Variants in HERC1 observed in about 807,000 individuals in gnomAD.
HERC1 encodes probable E3 ubiquitin-protein ligase HERC1.
A neutral mutation model predicts 554.3 loss-of-function variants in HERC1; 160 were observed. That is an observed-to-expected ratio of 0.29 (90% CI 0.25 to 0.33). The LOEUF (loss-of-function observed/expected upper bound fraction) is 0.33, where lower values mean the gene tolerates loss of function less well. Ranked by LOEUF, HERC1 falls within the 10% of genes least tolerant of loss-of-function variation. The pLI, the probability that HERC1 is intolerant of heterozygous loss-of-function variation, is 1.00. For synonymous variants in HERC1, 2,175 were observed against 2,131.7 expected, an observed-to-expected ratio of 1.02 and a Z score of -0.56; for missense variants, 4,919 against 5,918.5, an observed-to-expected ratio of 0.83 and a Z score of 5.54.
chr15:63,723,198 G>T lies in HERC1; in HGVS notation c.3726C>A (p.Asp1242Glu). ...TTATCTTACCTTTACTAACAGCATA[G>T]TCCTGCATGCTGATCCAAAGGCTTC... is the stretch of plus-strand genomic sequence containing the variant. ...PARSLWISMQ[D>E]YAVSKDWDSA... The change falls in exon 19 of 78, where the codon GAC becomes GAA. Residue 1242 changes from aspartate to glutamate, a missense_variant. Asp to Glu is a conservative substitution (Grantham distance 45). This residue lies in a region of HERC1 where 1,121 missense variants were observed against 1,244.0 expected (regional missense o/e 0.90). Transcript: ENST00000443617. The T allele has an allele frequency of 6.4e-7, 1 of 1,556,880 alleles. No homozygotes were observed. The highest frequency in any genetic ancestry group is 1.2e-5 in the South Asian group (1 of 81,128).
rs1258328123 is a variant in HERC1 at position 63,680,425 on chromosome 15, G to GA, written c.6465+111dup. 8.7e-7 allele frequency: 1 copy of GA among 1,150,028 alleles called. No individual in the cohort carries two copies. Among genetic ancestry groups the GA allele is most frequent in the African/African-American group, 1.6e-5 (1 of 64,016 alleles). The allele number at this position is 1,150,028 out of a possible 1,614,324, so 71.2% of individuals were successfully genotyped here. On this transcript the variant is annotated intron_variant, in intron 35 of 77. Coordinates refer to ENST00000443617, the MANE Select transcript of HERC1 (RefSeq NM_003922.4). The surrounding 1 kb of genome is among the most constrained non-coding windows in gnomAD (Gnocchi z 5.8). ...TTTAAGAACCAGAAAGTATTAGAGA[G>GA]AAAGGAGAGACGAGCAGATAATCTA...
In HERC1 at chr15:63,659,807, C is replaced by T; in HGVS notation, c.9353G>A (p.Ser3118Asn). Residue 3118 changes from serine (S) to asparagine (N), a missense_variant, in exon 47 of 78, where the codon AGC (serine) becomes AAC (asparagine). By Grantham distance (46) the Ser-to-Asn change is conservative (BLOSUM62 1). Transcript: ENST00000443617. ...IVPEPVQFPD[S>N]DPLGASVAMV... Reference sequence around the variant, plus strand: ...TGCTACTGATGCTCCCAGTGGATCGCTGTCAGGGAACTGAACTGGTTCTGG... The same window carrying T: ...TGCTACTGATGCTCCCAGTGGATCGTTGTCAGGGAACTGAACTGGTTCTGG... The T allele has an allele frequency of 6.2e-7, 1 of 1,613,936 alleles. No individual in the cohort carries two copies. The highest frequency in any genetic ancestry group is 8.5e-7 in the Non-Finnish European group (1 of 1,179,842).
At position 63,612,179 on chromosome 15, in the gene HERC1, C is replaced by A; in HGVS notation, c.14400+72G>T. 2 of 1,369,234 alleles carry A rather than the reference C, an allele frequency of 1.5e-6. No individual in the cohort carries two copies. Among genetic ancestry groups the A allele is most frequent in the South Asian group, 2.9e-5 (2 of 69,816 alleles). 84.8% of individuals were successfully genotyped at this position (1,369,234 alleles called of 1,614,324 possible). A position where few individuals can be genotyped will look rare whatever the true frequency, so the allele number is the denominator to read the frequency against. On this transcript the variant is annotated intron_variant, in intron 77 of 77. Coordinates refer to ENST00000443617, the MANE Select transcript of HERC1 (RefSeq NM_003922.4). The surrounding 1 kb of genome is among the most constrained non-coding windows in gnomAD (Gnocchi z 5.0). ...CTCCAGCCTGGGCCACAGAGTGAGA[C>A]CCTGTCTCAACAAAAACAACAATGA...
chr15:63,617,575 A>G (rs2067877659), intron 74 of HERC1, among the ~76,000 whole-genome samples: 1 of 152,202 alleles, frequency 6.6e-6, no homozygotes, highest in South Asian at 2.1e-4. Context: ...ATCCATGAGG[A>G]ATCACCACAC....
chr15:63,729,818 G>A (rs965707242), intron 14 of HERC1, among the ~76,000 whole-genome samples, 169 bp from the exon 15 acceptor site: 3 of 151,556 alleles, frequency 2.0e-5, no homozygotes, highest in Non-Finnish European at 1.5e-5. Flanking sequence ...AAGTCAGGAG[G>A]TTGAGACCAG....
At position 63,641,578 on chromosome 15, in the gene HERC1, C is replaced by T. The variant is rs1447414283; in HGVS notation, c.11499G>A (p.Arg3833=). The change falls in exon 60 of 78, where the codon AGG becomes AGA. Residue 3833 remains arginine, a synonymous_variant. Coordinates refer to ENST00000443617, the MANE Select transcript of HERC1 (RefSeq NM_003922.4). The stretch of plus-strand genomic sequence containing the variant: ...GAACACCCTGCTGTTTCAATGCTGT[C>T]CTACAGGTTGCCAAAACATGATTGG... The part of the protein sequence containing the change: ...AAANHVLATC[R]TALKQQGVLG... 1.6e-5 allele frequency: 26 copies of T among 1,603,232 alleles called. No individual in the cohort carries two copies. Among genetic ancestry groups the T allele is most frequent in the Non-Finnish European group, 2.1e-5 (25 of 1,174,178 alleles).
intron 53 of HERC1, 104 bp downstream of exon 53, chr15:63,651,149 T>C: frequency 9.8e-7 from 1 of 1,019,978 alleles, no homozygotes; most frequent in Non-Finnish European, 1.4e-6. Flanking sequence ...GGAAGGCTTG[T>C]GAATTTCAAG....
chr15:63,829,633 C>A (rs1444497007), intron 1 of HERC1, among the ~76,000 whole-genome samples: 1 of 143,798 alleles, frequency 7.0e-6, no homozygotes, highest in African/African-American at 2.6e-5. Context: ...CAACTGAAGT[C>A]CTGGGAGCAA....
rs777056650 is a variant in HERC1 at position 63,686,487 on chromosome 15, C to T, written c.6097G>A (p.Val2033Ile). 3 of 1,613,738 alleles carry T rather than the reference C, an allele frequency of 1.9e-6. No homozygotes were observed. The African/African-American group carries it at 4.0e-5, about 22-fold the overall frequency. ...TGAGCTTTCTCCGGGTCAAAGGATA[C>T]TTCTTGGATAGGAAGATTCTCATCT... The part of the protein sequence containing the change: ...EEDENLPIQE[V>I]SFDPEKAQCC... Residue 2033 changes from valine to isoleucine, a missense_variant, in exon 34 of 78, where the codon GTA (valine) becomes ATA (isoleucine). Val to Ile is a conservative substitution (Grantham distance 29). Around this residue, in one of 11 missense-constraint regions of HERC1, gnomAD observed 1,121 missense variants for 1,244.0 expected, o/e 0.90. Coordinates refer to ENST00000443617, the MANE Select transcript of HERC1 (RefSeq NM_003922.4).
At chr15:63,701,672 T>C (rs1350712580) in intron 25 of HERC1, among the ~76,000 whole-genome samples, 1 of 152,136 alleles carries the variant, frequency 6.6e-6, no homozygotes, top group East Asian at 1.9e-4. Flanking sequence ...AAATGTAACT[T>C]TGTATAAATA....
At chr15:63,622,749 C>A in intron 74 of HERC1, 66 bp downstream of exon 74, 1 of 1,221,262 alleles carries the variant, frequency 8.2e-7, no homozygotes, top group South Asian at 1.4e-5. Context: ...ACATAGTAAG[C>A]ACTCAATAAA....
chr15:63,732,916 C>T lies in HERC1; in HGVS notation c.2868+8G>A. The T allele has an allele frequency of 6.4e-7, 1 of 1,561,204 alleles. No individual in the cohort carries two copies. The highest frequency in any genetic ancestry group is 8.8e-7 in the Non-Finnish European group (1 of 1,132,726). On this transcript the variant is annotated splice_region_variant and intron_variant, in intron 14 of 77. Transcript: ENST00000443617. ...TTCTTTTTTTACTACAATGAAAGAA[C>T]AACTTACTGTATAAAATCCTAAATT...
chr15:63,767,799 CT>C (rs1265478772), intron 2 of HERC1, among the ~76,000 whole-genome samples: 1 of 152,206 alleles, frequency 6.6e-6, no homozygotes, highest in Non-Finnish European at 1.5e-5. Flanking sequence ...CATGGCAGAA[CT>C]TTTTTGTCAT....
Position 63,672,643 on chromosome 15 carries a change from G to A in HERC1, c.7898C>T (p.Pro2633Leu), listed in dbSNP as rs757807498. ...ESDPAQQAQT[P>L]VTTSPSASST... is the part of the protein sequence containing the mutation. Reference sequence around the variant, plus strand: ...TGAGGCTGATGGGCTAGTAGTAACTGGTGTCTGTGCCTGCTGGGCAGGGTC... The same window carrying A: ...TGAGGCTGATGGGCTAGTAGTAACTAGTGTCTGTGCCTGCTGGGCAGGGTC... Residue 2633 changes from proline to leucine, a missense_variant, in exon 39 of 78, where the codon CCA becomes CTA. Physicochemically the swap from Pro to Leu is moderately conservative, Grantham distance 98. Coordinates refer to ENST00000443617, the MANE Select transcript of HERC1 (RefSeq NM_003922.4). 2 of 1,612,880 alleles carry A rather than the reference G, an allele frequency of 1.2e-6. No homozygotes were observed. The highest frequency in any genetic ancestry group is 1.1e-5 in the South Asian group (1 of 90,750).
chr15:63,783,362 A>G (rs956288886), intron 1 of HERC1, among the ~76,000 whole-genome samples: 1 of 152,180 alleles, frequency 6.6e-6, no homozygotes, highest in Non-Finnish European at 1.5e-5. Context: ...ATGAGCAAAA[A>G]GATTACAACT....
chr15:63,814,470 G>GT (rs2077428632), intron 1 of HERC1, among the ~76,000 whole-genome samples: 2 of 152,008 alleles, frequency 1.3e-5, no homozygotes, highest in African/African-American at 4.8e-5. Context: ...GGAGGTTTTT[G>GT]TTTTTTTGAG....
At chr15:63,780,827 T>C (rs1450785428) in intron 1 of HERC1, among the ~76,000 whole-genome samples, 1 of 152,018 alleles carries the variant, frequency 6.6e-6, no homozygotes, top group Non-Finnish European at 1.5e-5. Context: ...AGATAAAGAC[T>C]GATGTGAAAT....
intron 69 of HERC1, among the ~76,000 whole-genome samples, chr15:63,629,434 A>G (rs374839239): frequency 1.3e-4 from 20 of 152,322 alleles, no homozygotes; most frequent in African/African-American, 4.8e-4. Flanking sequence ...TAACAGAATG[A>G]TCTATGGAGC....
rs1222275127 is a variant in HERC1, at chr15:63,758,492, T to A, written c.1027-123A>T. ...AACACTCTCAAATGCTCAAAGAACC[T>A]ATTAAATAAAGATAACTAGACTATT... On this transcript the variant is annotated intron_variant, in intron 3 of 77. Coordinates refer to ENST00000443617, the MANE Select transcript of HERC1 (RefSeq NM_003922.4). The surrounding 1 kb of genome is among the most constrained non-coding windows in gnomAD (Gnocchi z 4.0). 1.6e-6 allele frequency: 1 copy of A among 626,724 alleles called. No individual in the cohort carries two copies. The highest frequency in any genetic ancestry group is 2.6e-6 in the Non-Finnish European group (1 of 377,962). 38.8% of individuals were successfully genotyped at this position (626,724 alleles called of 1,614,324 possible).
Sources: allele counts gnomAD v4.1 joint callset (sites outside exome capture counted in the v4.1 genomes callset), GRCh38; gene constraint gnomAD v4.1.1; regional missense constraint gnomAD v4.1.1; non-coding constraint Gnocchi (gnomAD v3.1); transcripts MANE v1.5; gene names NCBI Gene and HGNC (gene_info 2026-07-23, HGNC 2026-07-21).